USP26: variants seen among roughly 807,000 people sequenced by gnomAD.
The protein encoded by USP26 is ubiquitin specific peptidase 26.
For synonymous variants in USP26, 236 were observed against 240.6 expected (o/e 0.98, Z 0.18); for missense variants, 649 against 642.3 (o/e 1.01, Z -0.11).
At chrX:133,029,255 A>T (rs1400038369) in intron 5 of USP26, among the ~76,000 whole-genome samples, 1 of 112,587 alleles carries the variant, frequency 8.9e-6, no homozygotes, top group Admixed American at 9.4e-5. Flanking sequence ...CTATGCTATT[A>T]ACTTGCTTAA....
chrX:133,076,447 G>A (rs1209877449), intron 5 of USP26, among the ~76,000 whole-genome samples: 6 of 111,014 alleles, frequency 5.4e-5, no homozygotes, highest in Non-Finnish European at 1.1e-4. Flanking sequence ...ATTATGCAAG[G>A]CAGCCTTTAA....
intron 5 of USP26, among the ~76,000 whole-genome samples, chrX:133,044,159 A>G (rs1187384995): frequency 8.9e-6 from 1 of 112,886 alleles, no homozygotes; most frequent in Non-Finnish European, 1.9e-5. Context: ...AAGTCTGAAT[A>G]AGGAAAACAA....
intron 5 of USP26, among the ~76,000 whole-genome samples, chrX:133,044,277 C>T (rs765235752): frequency 3.1e-4 from 35 of 113,496 alleles, no homozygotes; most frequent in South Asian, 3.6e-4. Flanking sequence ...ACTCTGGCCG[C>T]GCTTGAGGAG....
rs770750379 is a variant in USP26, at chrX:133,027,788, C to G, written c.433G>C (p.Glu145Gln). The change falls in exon 6 of 6, where the codon GAG becomes CAG. Residue 145 changes from glutamate (E) to glutamine (Q), a missense_variant. By Grantham distance (29) the Glu-to-Gln change is conservative (BLOSUM62 2). Transcript: ENST00000511190. ...CCTGTCCCACTTCCTTTTGCTATCTCAAAAGATTTGCTACTTGATTTCTCA... is the reference window on the plus strand; with the variant it reads ...CCTGTCCCACTTCCTTTTGCTATCTGAAAAGATTTGCTACTTGATTTCTCA... Reference protein sequence around the residue: ...VDEKSSSKSFEIAKGSGTGVL... With the variant: ...VDEKSSSKSFQIAKGSGTGVL... 2.9e-5 allele frequency: 35 copies of G among 1,210,127 alleles called. No homozygotes were observed. Among genetic ancestry groups the G allele is most frequent in the Non-Finnish European group, 3.9e-5 (35 of 894,441 alleles).
intron 5 of USP26, 125 bp from the exon 6 acceptor site, chrX:133,028,421 C>T: frequency 4.3e-6 from 2 of 469,987 alleles, no homozygotes; most frequent in South Asian, 7.1e-5. Flanking sequence ...GTAACGAGAC[C>T]AATGCCTTTT....
intron 5 of USP26, among the ~76,000 whole-genome samples, chrX:133,050,091 G>C (rs889258200): frequency 2.7e-5 from 3 of 112,156 alleles, no homozygotes; most frequent in Admixed American, 1.9e-4. Flanking sequence ...TCTAACTAAC[G>C]TCTTTTGTCC....
intron 5 of USP26, among the ~76,000 whole-genome samples, chrX:133,049,352 A>G: frequency 8.9e-6 from 1 of 112,115 alleles, no homozygotes; most frequent in Non-Finnish European, 1.9e-5. Flanking sequence ...TATTCTTTCA[A>G]TATCAGTACA....
At chrX:133,087,352 A>C (rs751515359) in intron 4 of USP26, among the ~76,000 whole-genome samples, 26 of 112,521 alleles carry the variant, frequency 2.3e-4, no homozygotes, top group Admixed American at 3.8e-4. Context: ...AAGAACATTA[A>C]AATGTTAGCA....
At chrX:133,032,657 A>G (rs187974504) in intron 5 of USP26, among the ~76,000 whole-genome samples, 2 of 111,942 alleles carry the variant, frequency 1.8e-5, no homozygotes, top group East Asian at 5.6e-4. Flanking sequence ...CAGAGCCTTG[A>G]ATTTAACTTG....
chrX:133,040,906 T>C (rs2067416594), intron 5 of USP26, among the ~76,000 whole-genome samples: 1 of 110,741 alleles, frequency 9.0e-6, no homozygotes, highest in Non-Finnish European at 1.9e-5. Flanking sequence ...CATTCTTTTT[T>C]CTCTAAACTT....
intron 5 of USP26, among the ~76,000 whole-genome samples, chrX:133,062,969 C>T (rs2067498480): frequency 9.0e-6 from 1 of 110,662 alleles, no homozygotes; most frequent in South Asian, 3.9e-4. Context: ...TGCAAGGAAG[C>T]AAAGAACACT....
At position 133,027,086 on chromosome X, in the gene USP26, C is replaced by T. The variant is rs747555244; in HGVS notation, c.1135G>A (p.Ala379Thr). ...SAAAEIFHGN[A>T]QNDAHEFLAH... ...AAAAACTCATGAGCATCGTTCTGTG[C>T]ATTGCCATGGAATATCTCTGCAGCT... is the stretch of plus-strand genomic sequence containing the variant. Residue 379 changes from alanine (A) to threonine (T), a missense_variant, in exon 6 of 6, where the codon GCA becomes ACA. Ala to Thr is a moderately conservative substitution (Grantham distance 58). Coordinates refer to ENST00000511190, the MANE Select transcript of USP26 (RefSeq NM_031907.3). The T allele has an allele frequency of 8.3e-6, 10 of 1,210,546 alleles. No individual in the cohort carries two copies. The highest frequency in any genetic ancestry group is 1.0e-5 in the Non-Finnish European group (9 of 894,451).
At chrX:133,059,664 T>A (rs1283106505) in intron 5 of USP26, among the ~76,000 whole-genome samples, 1 of 109,876 alleles carries the variant, frequency 9.1e-6, no homozygotes, top group Non-Finnish European at 1.9e-5. Flanking sequence ...AATTAATTCT[T>A]AGGACTTCTC....
intron 5 of USP26, among the ~76,000 whole-genome samples, chrX:133,053,413 C>T (rs2067465981): frequency 9.1e-6 from 1 of 109,531 alleles, no homozygotes; most frequent in African/African-American, 3.3e-5. Context: ...TGGTGCATGC[C>T]TGTAATCCCA....
At chrX:133,073,336 TAA>T (rs748725340) in intron 5 of USP26, among the ~76,000 whole-genome samples, 1,648 of 74,867 alleles carry the variant, frequency 0.022, 16 homozygotes, top group Non-Finnish European at 0.03. Flanking sequence ...TTCATGGGAC[TAA>T]AAAAAAAAAA....
intron 5 of USP26, among the ~76,000 whole-genome samples, chrX:133,058,927 C>T (rs2067486030): frequency 9.0e-6 from 1 of 111,135 alleles, no homozygotes; most frequent in South Asian, 3.9e-4. Context: ...AATCCTCCCA[C>T]CTCAGCCTCC....
chrX:133,084,170 C>T (rs2067579879), intron 4 of USP26, among the ~76,000 whole-genome samples: 1 of 108,815 alleles, frequency 9.2e-6, no homozygotes, highest in African/African-American at 3.3e-5. Context: ...TCTTCTAGGC[C>T]TTGAGCACAA....
At chrX:133,070,877 C>T (rs2069857612) in intron 5 of USP26, among the ~76,000 whole-genome samples, 1 of 111,401 alleles carries the variant, frequency 9.0e-6, no homozygotes, top group African/African-American at 3.3e-5. Context: ...CCTATTTGGA[C>T]ATCCTGATAC....
At chrX:133,053,463 G>A (rs2067466178) in intron 5 of USP26, among the ~76,000 whole-genome samples, 1 of 107,680 alleles carries the variant, frequency 9.3e-6, no homozygotes, top group East Asian at 2.9e-4. Flanking sequence ...ACTTGAACCT[G>A]AGAGACAGAA....
Sources: allele counts gnomAD v4.1 joint callset (sites outside exome capture counted in the v4.1 genomes callset), GRCh38; gene constraint gnomAD v4.1.1; transcripts MANE v1.5; gene names NCBI Gene and HGNC (gene_info 2026-07-23, HGNC 2026-07-21).